Variants in MRTFB observed in about 807,000 individuals in gnomAD.
MRTFB encodes myocardin related transcription factor B, also known as myocardin-related transcription factor B.
In MRTFB, 29 loss-of-function variants were observed where a neutral mutation model predicts 104.2. The ratio of observed to expected loss-of-function variants is 0.28; its 90% confidence interval spans 0.21 to 0.38. The LOEUF (loss-of-function observed/expected upper bound fraction) is 0.38, where lower values mean the gene tolerates loss of function less well. Among genes scored for constraint, MRTFB ranks in the 10% least tolerant of loss-of-function variants. MRTFB has a pLI of 1.00. For synonymous variants in MRTFB, 535 were observed against 519.5 expected (o/e 1.03, Z -0.41); for missense variants, 1,270 against 1,341.6 (o/e 0.95, Z 0.83).
At chr16:14,110,523 A>G (rs1467162250) in intron 2 of MRTFB, among the ~76,000 whole-genome samples, 1 of 152,108 alleles carries the variant, frequency 6.6e-6, no homozygotes, top group Non-Finnish European at 1.5e-5. Flanking sequence ...GCTGAATCCC[A>G]TAACCTCAGA....
chr16:14,201,259 A>AT (rs1417654775), intron 3 of MRTFB, among the ~76,000 whole-genome samples: 2 of 152,238 alleles, frequency 1.3e-5, no homozygotes, highest in African/African-American at 4.8e-5. Flanking sequence ...TAATATCAGT[A>AT]TATCCCAAGT....
chr16:14,227,687 T>A (rs1255973108), intron 8 of MRTFB, among the ~76,000 whole-genome samples: 1 of 152,076 alleles, frequency 6.6e-6, no homozygotes, highest in African/African-American at 2.4e-5. Flanking sequence ...AATTTTTGTA[T>A]TTTTAGTAGA....
rs569813961 is a variant in MRTFB, at chr16:14,193,271, GT to G, written c.155-16970del. 1.7e-4 allele frequency among the ~76,000 whole-genome samples: 25 copies of G among 143,238 alleles called. No individual in the cohort carries two copies. The East Asian group carries it at 5.3e-3, about 30-fold the overall frequency. The allele number at this position is 143,238 out of a possible 152,430, so 94.0% of individuals were successfully genotyped here. A position where few individuals can be genotyped will look rare whatever the true frequency, so the allele number is the denominator to read the frequency against. On this transcript the variant is annotated intron_variant, in intron 3 of 16. Coordinates refer to ENST00000571589, the MANE Select transcript of MRTFB (RefSeq NM_001308142.2). Reference sequence around the variant, plus strand: ...TCATCTTAAAATGTAATCCTATTCCGTTGTGTCACTGGCTCACACCTTGTAA... The same window carrying G: ...TCATCTTAAAATGTAATCCTATTCCGTGTGTCACTGGCTCACACCTTGTAA...
At chr16:14,145,046 T>C (rs529949434) in intron 3 of MRTFB, among the ~76,000 whole-genome samples, 4 of 149,670 alleles carry the variant, frequency 2.7e-5, no homozygotes, top group Non-Finnish European at 5.9e-5. Flanking sequence ...AGCAAATATA[T>C]TAATTTTTTT....
At chr16:14,056,617 T>G in the MRTFB span, among the ~76,000 whole-genome samples, 1 of 152,208 alleles carries the variant, frequency 6.6e-6, no homozygotes, top group Non-Finnish European at 1.5e-5. Flanking sequence ...TCTCTTTTTT[T>G]GGAGAATGGT....
chr16:14,093,105 C>T (rs1436920336), intron 2 of MRTFB, among the ~76,000 whole-genome samples: 9 of 152,248 alleles, frequency 5.9e-5, no homozygotes, highest in African/African-American at 1.9e-4. Context: ...AGTCAGTGTG[C>T]TTCCAACTCT....
intron 1 of MRTFB, among the ~76,000 whole-genome samples, chr16:14,074,505 A>C (rs1362514674): frequency 6.6e-6 from 1 of 152,160 alleles, no homozygotes; most frequent in Non-Finnish European, 1.5e-5. Flanking sequence ...CATATCTCTG[A>C]TTTGTAATTA....
At chr16:14,142,526 G>A (rs1401481093) in intron 3 of MRTFB, 1 of 152,246 alleles carries the variant, frequency 6.6e-6, no homozygotes, top group East Asian at 1.9e-4. Context: ...CGGATTGCAG[G>A]CGTGAGCCAC....
the MRTFB span, among the ~76,000 whole-genome samples, chr16:14,030,837 G>A: frequency 6.6e-6 from 1 of 152,194 alleles, no homozygotes; most frequent in African/African-American, 2.4e-5. Context: ...TGGTATGCAA[G>A]AGGCATTGAT....
At chr16:14,222,928 C>A (rs1029071881) in intron 8 of MRTFB, among the ~76,000 whole-genome samples, 3 of 151,786 alleles carry the variant, frequency 2.0e-5, no homozygotes, top group African/African-American at 7.3e-5. Flanking sequence ...ACCTATAATC[C>A]CAGCTTACTT....
At chr16:14,016,500 C>T in the MRTFB span, among the ~76,000 whole-genome samples, 2 of 151,982 alleles carry the variant, frequency 1.3e-5, no homozygotes, top group African/African-American at 2.4e-5. Flanking sequence ...AGGCTGGGCG[C>T]GGTGGCTCAC....
At chr16:14,222,842 A>C (rs1356391126) in intron 8 of MRTFB, among the ~76,000 whole-genome samples, 1 of 151,686 alleles carries the variant, frequency 6.6e-6, no homozygotes, top group African/African-American at 2.4e-5. Context: ...AACACTAGAA[A>C]TAGGGAGAGG....
Position 14,247,217 on chromosome 16 carries a change from C to T in MRTFB, c.1957C>T (p.Pro653Ser), listed in dbSNP as rs749759267. 5.5e-5 allele frequency: 89 copies of T among 1,614,062 alleles called. No individual in the cohort carries two copies. Residue 653 changes from proline (P) to serine (S), a missense_variant, in exon 12 of 17, where the codon CCC (proline) becomes TCC (serine). Physicochemically the swap from Pro to Ser is moderately conservative, Grantham distance 74 (BLOSUM62 -1). Coordinates refer to ENST00000571589, the MANE Select transcript of MRTFB (RefSeq NM_001308142.2). ...SLPDCSSSRQ[P>S]IPVASHAVGQ... ...CCCTGACTGCTCCAGCTCCAGGCAG[C>T]CCATCCCAGTAGCCAGCCACGCTGT...
intron 8 of MRTFB, among the ~76,000 whole-genome samples, chr16:14,229,091 T>G (rs2042144000): frequency 6.6e-6 from 1 of 152,222 alleles, no homozygotes; most frequent in Non-Finnish European, 1.5e-5. Flanking sequence ...AGTATAATTT[T>G]TTAAATGCAC....
intron 8 of MRTFB, among the ~76,000 whole-genome samples, chr16:14,223,137 T>C (rs1272991322): frequency 6.6e-6 from 1 of 151,958 alleles, no homozygotes; most frequent in Non-Finnish European, 1.5e-5. Context: ...TGAGACCCCA[T>C]CTCTACTAAA....
chr16:14,157,530 G>A (rs2038871519), intron 3 of MRTFB, among the ~76,000 whole-genome samples: 1 of 152,188 alleles, frequency 6.6e-6, no homozygotes, highest in Non-Finnish European at 1.5e-5. Flanking sequence ...GCCCACATGA[G>A]CTATTGTGTG....
chr16:14,180,176 T>G (rs1415721459), intron 3 of MRTFB, among the ~76,000 whole-genome samples: 1 of 152,214 alleles, frequency 6.6e-6, no homozygotes, highest in Non-Finnish European at 1.5e-5. Flanking sequence ...ACCATATTCC[T>G]TAAGAGACAG....
the MRTFB span, among the ~76,000 whole-genome samples, chr16:14,043,537 C>T: frequency 2.0e-5 from 3 of 152,082 alleles, no homozygotes; most frequent in Non-Finnish European, 2.9e-5. Context: ...CCAACCAGAC[C>T]GCCTCAACAC....
chr16:14,235,429 G>A (rs1428222804), intron 9 of MRTFB, among the ~76,000 whole-genome samples: 3 of 152,158 alleles, frequency 2.0e-5, no homozygotes, highest in South Asian at 2.1e-4. Flanking sequence ...GAGGGTCTGC[G>A]TGCACAGCCC....
Sources: allele counts gnomAD v4.1 joint callset (sites outside exome capture counted in the v4.1 genomes callset), GRCh38; gene constraint gnomAD v4.1.1; transcripts MANE v1.5; gene names NCBI Gene and HGNC (gene_info 2026-07-23, HGNC 2026-07-21).